The following RNLS variants were observed in gnomAD, a reference collection of about 807,000 sequenced individuals.
The protein encoded by RNLS is renalase, FAD dependent amine oxidase, also known as renalase.
A neutral mutation model predicts 39.8 loss-of-function variants in RNLS; 39 were observed. The observed-to-expected ratio is 0.98, with a 90% confidence interval of 0.76 to 1.28. The LOEUF (loss-of-function observed/expected upper bound fraction) is 1.28, where lower values mean the gene tolerates loss of function less well. Ranked by LOEUF, RNLS falls within the 50% of genes most tolerant of loss-of-function variation. RNLS has a pLI of 0.00. For missense variants in RNLS, 410 were observed against 413.3 expected (o/e 0.99, Z 0.07); for synonymous variants, 147 against 150.7 (o/e 0.98, Z 0.18).
At chr10:88,402,045 A>T (rs1852954788) in intron 4 of RNLS, among the ~76,000 whole-genome samples, 1 of 152,022 alleles carries the variant, frequency 6.6e-6, no homozygotes, top group African/African-American at 2.4e-5. Flanking sequence ...CAGAAAAGAG[A>T]GGGTCTAGTT....
At chr10:88,408,448 A>T (rs1853432252) in intron 4 of RNLS, among the ~76,000 whole-genome samples, 1 of 152,054 alleles carries the variant, frequency 6.6e-6, no homozygotes, top group Non-Finnish European at 1.5e-5. Context: ...TAGTGCCCTA[A>T]TGAAAAGAAG....
chr10:88,368,476 A>T (rs952647132), intron 4 of RNLS, among the ~76,000 whole-genome samples: 1 of 152,136 alleles, frequency 6.6e-6, no homozygotes, highest in Non-Finnish European at 1.5e-5. Flanking sequence ...ATAAAGAGGG[A>T]AAATGTAAAA....
chr10:88,502,230 C>A (rs1461341330), intron 4 of RNLS, among the ~76,000 whole-genome samples: 2 of 150,388 alleles, frequency 1.3e-5, no homozygotes, highest in East Asian at 3.9e-4. Context: ...TTTGTCTCTA[C>A]CAAAACTCAT....
At chr10:88,531,137 A>G (rs1485836910) in intron 4 of RNLS, among the ~76,000 whole-genome samples, 3 of 152,154 alleles carry the variant, frequency 2.0e-5, no homozygotes, top group Non-Finnish European at 4.4e-5. Context: ...ATTTATAAGT[A>G]GAGGAACCAA....
chr10:88,574,543 G>C (rs1487374679), intron 3 of RNLS, among the ~76,000 whole-genome samples: 1 of 152,088 alleles, frequency 6.6e-6, no homozygotes, highest in East Asian at 1.9e-4. Flanking sequence ...AATACTCAAG[G>C]CTCCTTCATG....
At chr10:88,174,692 T>A in the RNLS span, among the ~76,000 whole-genome samples, 4 of 152,214 alleles carry the variant, frequency 2.6e-5, no homozygotes, top group East Asian at 7.7e-4. Context: ...TGCAGCTACG[T>A]TCATCAGGCA....
intron 4 of RNLS, among the ~76,000 whole-genome samples, chr10:88,436,659 A>T (rs992225495): frequency 2.0e-5 from 3 of 152,176 alleles, no homozygotes; most frequent in African/African-American, 7.2e-5. Flanking sequence ...AGTGCCTTTT[A>T]ACAGATTTGT....
In RNLS at chr10:88,512,701, A is replaced by G. The variant is rs113145081; in HGVS notation, c.526+60202T>C. 1.9e-4 allele frequency among the ~76,000 whole-genome samples: 29 copies of G among 152,112 alleles called. 1 individual carries two copies. The highest frequency in any genetic ancestry group is 6.0e-4 in the African/African-American group (25 of 41,496). ...TACATTCTCTCCCATTACTCTCCACAATGCATCTTACACTCCAACTACTCT... is the reference window on the plus strand; with the variant it reads ...TACATTCTCTCCCATTACTCTCCACGATGCATCTTACACTCCAACTACTCT... On this transcript the variant is annotated intron_variant, in intron 4 of 6. Transcript: ENST00000331772.
At chr10:88,319,921 T>C (rs1846050795) in intron 5 of RNLS, among the ~76,000 whole-genome samples, 2 of 151,806 alleles carry the variant, frequency 1.3e-5, no homozygotes, top group Admixed American at 1.3e-4. Flanking sequence ...AACATCCAGA[T>C]ATAAGAAATT....
intron 4 of RNLS, among the ~76,000 whole-genome samples, chr10:88,543,393 T>C (rs1031723684): frequency 1.3e-5 from 2 of 152,184 alleles, no homozygotes; most frequent in Admixed American, 6.6e-5. Context: ...TCCAATATTT[T>C]TTAAAGTTCT....
At chr10:88,298,674 CA>C (rs1159230597) in intron 6 of RNLS, among the ~76,000 whole-genome samples, 1 of 152,186 alleles carries the variant, frequency 6.6e-6, no homozygotes, top group African/African-American at 2.4e-5. Context: ...CTTTCAATTA[CA>C]TTCCATTGAT....
chr10:88,413,303 T>C (rs1422599401), intron 4 of RNLS, among the ~76,000 whole-genome samples: 1 of 152,198 alleles, frequency 6.6e-6, no homozygotes, highest in East Asian at 1.9e-4. Context: ...CTTCTTTCAT[T>C]TATCACATGT....
intron 4 of RNLS, among the ~76,000 whole-genome samples, chr10:88,377,239 TATACACACAC>T (rs1209701549): frequency 7.4e-5 from 8 of 107,458 alleles, no homozygotes; most frequent in East Asian, 4.5e-4. Context: ...TACACACACA[TATACACACAC>T]ACACACACAC....
intron 4 of RNLS, among the ~76,000 whole-genome samples, chr10:88,419,441 C>G (rs189573062): frequency 1.3e-5 from 2 of 152,348 alleles, no homozygotes; most frequent in Admixed American, 1.3e-4. Flanking sequence ...GGAACTCTGA[C>G]TTCACCATGG....
chr10:88,311,263 A>G (rs1320255271), intron 6 of RNLS, among the ~76,000 whole-genome samples: 1 of 152,226 alleles, frequency 6.6e-6, no homozygotes, highest in African/African-American at 2.4e-5. Context: ...ACGGTTATCA[A>G]ACTGATTAAA....
chr10:88,379,595 G>A (rs971254122), intron 4 of RNLS, among the ~76,000 whole-genome samples: 9 of 152,088 alleles, frequency 5.9e-5, no homozygotes, highest in South Asian at 4.2e-4. Context: ...TCCAAAAATG[G>A]TTGCAACAAT....
chr10:88,461,431 T>C (rs1311276181), intron 4 of RNLS, among the ~76,000 whole-genome samples: 5 of 152,166 alleles, frequency 3.3e-5, no homozygotes, highest in Admixed American at 3.3e-4. Context: ...GCTTCTCTTT[T>C]ACTTAGGTAA....
intron 4 of RNLS, among the ~76,000 whole-genome samples, chr10:88,505,552 G>C (rs1179822107): frequency 6.6e-6 from 1 of 151,620 alleles, no homozygotes; most frequent in African/African-American, 2.4e-5. Context: ...GAGAGGGTGG[G>C]AGAGAAGAAG....
chr10:88,175,224 G>T, the RNLS span, among the ~76,000 whole-genome samples: 1 of 151,536 alleles, frequency 6.6e-6, no homozygotes, highest in African/African-American at 2.4e-5. Flanking sequence ...TTCATCTTTT[G>T]TATTTTGGGG....
Sources: allele counts gnomAD v4.1 joint callset (sites outside exome capture counted in the v4.1 genomes callset), GRCh38; gene constraint gnomAD v4.1.1; transcripts MANE v1.5; gene names NCBI Gene and HGNC (gene_info 2026-07-23, HGNC 2026-07-21).